Variants in ISY1 observed in about 807,000 individuals in gnomAD.
The protein encoded by ISY1 is ISY1 spliceosome associated protein.
In ISY1, 12 loss-of-function variants were observed where a neutral mutation model predicts 54.4. The observed-to-expected ratio is 0.22, with a 90% CI of 0.14 to 0.36. The LOEUF is 0.36. ISY1 is among the 10% of genes least tolerant of loss of function. The pLI, the probability that ISY1 is intolerant of heterozygous loss-of-function variation, is 1.00. For synonymous variants in ISY1, 96 were observed against 117.9 expected (o/e 0.81, Z 1.20); for missense variants, 282 against 342.2 (o/e 0.82, Z 1.39).
At chr3:129,140,323 T>C (rs774425159) in intron 7 of ISY1, 45 bp downstream of exon 7, 2 of 1,546,916 alleles carry the variant, frequency 1.3e-6, no homozygotes, top group South Asian at 2.4e-5. Context: ...TCTACTCTTA[T>C]GATTATTACC....
intron 9 of ISY1, 75 bp from the exon 10 acceptor site, chr3:129,130,711 T>A: frequency 1.3e-6 from 2 of 1,488,012 alleles, no homozygotes; most frequent in Non-Finnish European, 1.8e-6. Context: ...TAAAACACAC[T>A]ACTCTGCAAC....
In ISY1 at chr3:129,157,853, C is replaced by T. The variant is rs1026191629; in HGVS notation, c.78+655G>A. ...ATTCAAGTGTACAGACTCTCAAGAG[C>T]GTCAGCAGGTACAGATAAGAAATAG... On this transcript the variant is annotated intron_variant, in intron 3 of 10. Transcript: ENST00000393295. 1.8e-4 allele frequency among the ~76,000 whole-genome samples: 27 copies of T among 151,912 alleles called. 4 individuals carry two copies. Among genetic ancestry groups the T allele is most frequent in the Admixed American group, 5.9e-4 (9 of 15,230 alleles).
intron 5 of ISY1, among the ~76,000 whole-genome samples, chr3:129,149,610 A>AAAAT (rs1936884507): frequency 1.2e-4 from 3 of 24,626 alleles, no homozygotes; most frequent in African/African-American, 3.6e-4. Context: ...AAAAAAAAAA[A>AAAAT]ATATATATAT....
chr3:129,141,768 AAAT>A (rs543932993), intron 6 of ISY1, among the ~76,000 whole-genome samples: 203 of 151,444 alleles, frequency 1.3e-3, no homozygotes, highest in Admixed American at 2.2e-3. Flanking sequence ...AAATAAAATA[AAAT>A]AATTAAAAAA....
intron 7 of ISY1, among the ~76,000 whole-genome samples, chr3:129,139,893 C>T (rs1288522610): frequency 1.3e-5 from 2 of 152,158 alleles, no homozygotes; most frequent in African/African-American, 4.8e-5. Flanking sequence ...CCGCCCACCT[C>T]AGCCTCCCAA....
chr3:129,154,059 G>A (rs1053684786), intron 5 of ISY1, among the ~76,000 whole-genome samples: 2 of 151,842 alleles, frequency 1.3e-5, no homozygotes, highest in African/African-American at 2.4e-5. Flanking sequence ...TGGCTAACAC[G>A]GTGAAACCCC....
At chr3:129,135,042 T>C in intron 7 of ISY1, 88 bp from the exon 8 acceptor site, 1 of 1,455,684 alleles carries the variant, frequency 6.9e-7, no homozygotes, top group Non-Finnish European at 9.1e-7. Flanking sequence ...TACACACACG[T>C]GGCACGTATG....
intron 5 of ISY1, among the ~76,000 whole-genome samples, chr3:129,147,970 T>C (rs1314672241): frequency 6.6e-6 from 1 of 152,058 alleles, no homozygotes; most frequent in East Asian, 1.9e-4. Context: ...TTCATCGATA[T>C]GTTTTAATTT....
chr3:129,154,864 ATT>A (rs1242860205), intron 5 of ISY1, among the ~76,000 whole-genome samples: 2 of 150,786 alleles, frequency 1.3e-5, no homozygotes, highest in Non-Finnish European at 3.0e-5. Flanking sequence ...AATTTTTTGT[ATT>A]TTTAGTAAAG....
At chr3:129,138,971 G>C (rs1385686529) in intron 7 of ISY1, among the ~76,000 whole-genome samples, 1 of 151,810 alleles carries the variant, frequency 6.6e-6, no homozygotes, top group Non-Finnish European at 1.5e-5. Context: ...GTCCTGCTCT[G>C]CTGCCCAGGC....
At chr3:129,160,918 G>GA (rs1937290161) in intron 1 of ISY1, 55 bp downstream of exon 1, 2 of 666,058 alleles carry the variant, frequency 3.0e-6, no homozygotes, top group African/African-American at 1.9e-5. Flanking sequence ...TGGACTGGGC[G>GA]CCCCCCCGCC....
At chr3:129,147,425 C>T (rs1254460117) in intron 5 of ISY1, among the ~76,000 whole-genome samples, 2 of 151,976 alleles carry the variant, frequency 1.3e-5, no homozygotes, top group East Asian at 1.9e-4. Flanking sequence ...CCCACTCCCA[C>T]GTTCTGTTCT....
chr3:129,138,287 A>G (rs986384497), intron 7 of ISY1, among the ~76,000 whole-genome samples: 2 of 150,430 alleles, frequency 1.3e-5, no homozygotes, highest in Admixed American at 1.3e-4. Flanking sequence ...TCTCAAAAAA[A>G]AAAGAGCTCG....
intron 8 of ISY1, among the ~76,000 whole-genome samples, chr3:129,134,581 C>T (rs1936334167): frequency 6.6e-6 from 1 of 152,176 alleles, no homozygotes; most frequent in Non-Finnish European, 1.5e-5. Flanking sequence ...CACGAATCCA[C>T]ATGGTGACCT....
chr3:129,158,596 T>A (rs753664245), intron 2 of ISY1, 37 bp from the exon 3 acceptor site: 16 of 1,613,488 alleles, frequency 9.9e-6, no homozygotes, highest in Non-Finnish European at 1.4e-5. Flanking sequence ...CTCCATTAGA[T>A]CCTGCTCATA....
rs1379971012 is a variant in ISY1, at chr3:129,134,871, C to T, written c.502G>A (p.Gly168Ser). 1.2e-6 allele frequency: 2 copies of T among 1,610,856 alleles called. No individual in the cohort carries two copies. The highest frequency in any genetic ancestry group is 1.3e-5 in the African/African-American group (1 of 74,806). The change falls in exon 8 of 11, where the codon GGT becomes AGT. Residue 168 changes from glycine to serine, a missense_variant. By Grantham distance (56) the Gly-to-Ser change is moderately conservative (BLOSUM62 0). Transcript: ENST00000393295. ...EYYGYLDEDDGVIVPLEQEYE... is the reference protein window; with the variant it reads ...EYYGYLDEDDSVIVPLEQEYE... Reference sequence around the variant, plus strand: ...TCCTGTTCCAAAGGCACAATAACACCATCATCTTCATCTAGGTAACCATAG... The same window carrying T: ...TCCTGTTCCAAAGGCACAATAACACTATCATCTTCATCTAGGTAACCATAG...
At chr3:129,160,667 ACT>A (rs1007343061) in intron 1 of ISY1, among the ~76,000 whole-genome samples, 1 of 152,094 alleles carries the variant, frequency 6.6e-6, no homozygotes, top group African/African-American at 2.4e-5. Context: ...GCCGGCCCAC[ACT>A]ATGCACCGTA....
intron 7 of ISY1, among the ~76,000 whole-genome samples, chr3:129,139,926 G>A (rs1936557761): frequency 6.6e-6 from 1 of 152,180 alleles, no homozygotes; most frequent in Admixed American, 6.5e-5. Context: ...ACAGGCATGA[G>A]CCACAGTGCT....
intron 5 of ISY1, among the ~76,000 whole-genome samples, chr3:129,149,803 A>AG (rs1386247460): frequency 4.5e-4 from 54 of 120,528 alleles, no homozygotes; most frequent in Admixed American, 1.1e-3. Flanking sequence ...AAAAAAAAAA[A>AG]AAAAAGAAAG....
Sources: gnomAD v4.1 joint callset for allele counts (sites outside exome capture counted in the v4.1 genomes callset) on GRCh38, gnomAD v4.1.1 for gene constraint, MANE v1.5 for transcripts, NCBI Gene and HGNC (gene_info 2026-07-23, HGNC 2026-07-21) for gene names.